The following KIF7 variants were observed in gnomAD, a reference collection of about 807,000 sequenced individuals.
KIF7 encodes the protein kinesin-like protein KIF7.
A neutral mutation model predicts 135.7 loss-of-function variants in KIF7; 104 were observed. The ratio of observed to expected loss-of-function variants is 0.77; its 90% confidence interval spans 0.65 to 0.90. The LOEUF (loss-of-function observed/expected upper bound fraction) is 0.90. Among genes scored for constraint, KIF7 ranks in the 40% least tolerant of loss-of-function variants. The pLI, the probability that KIF7 is intolerant of heterozygous loss-of-function variation, is 0.00. For synonymous variants in KIF7, 883 were observed against 809.4 expected, an observed-to-expected ratio of 1.09 and a Z score of -1.54; for missense variants, 2,005 against 1,839.1, an observed-to-expected ratio of 1.09 and a Z score of -1.65.
chr15:89,660,775 G>A, the KIF7 span, among the ~76,000 whole-genome samples: 2 of 152,182 alleles, frequency 1.3e-5, no homozygotes, highest in Admixed American at 6.5e-5. Flanking sequence ...GGACTTGGCT[G>A]TATGACTTGC....
At chr15:89,624,402 C>A, downstream of KIF7, 1 of 1,614,192 alleles carries the variant, frequency 6.2e-7, no homozygotes, top group Non-Finnish European at 8.5e-7. Flanking sequence ...CCCCTGAACT[C>A]TCACAGAGAG....
chr15:89,649,960 G>T lies in KIF7; in HGVS notation c.329-19C>A. The T allele has an allele frequency of 6.5e-7, 1 of 1,547,818 alleles. No individual in the cohort carries two copies. The stretch of plus-strand genomic sequence containing the variant: ...AGGGAGGCTGGGGAGACACCGCAGG[G>T]CCTCCTGCCACTTCAGCTGGACACG... On this transcript the variant is annotated intron_variant, in intron 2 of 18. Coordinates refer to ENST00000394412, the MANE Select transcript of KIF7 (RefSeq NM_198525.3).
intron 1 of KIF7, among the ~76,000 whole-genome samples, chr15:89,619,102 C>T (rs1239483319): frequency 6.6e-6 from 1 of 152,142 alleles, no homozygotes; most frequent in Non-Finnish European, 1.5e-5. Context: ...AATTCCACAA[C>T]TCAGAAATAC....
chr15:89,619,683 A>G, intron 1 of KIF7: 1 of 1,588,668 alleles, frequency 6.3e-7, no homozygotes, highest in Non-Finnish European at 8.5e-7. Context: ...GTCTTTGGTT[A>G]CTTACTGTGG....
chr15:89,632,649 T>A (rs1447933786), intron 14 of KIF7, among the ~76,000 whole-genome samples, 171 bp downstream of exon 14: 1 of 152,088 alleles, frequency 6.6e-6, no homozygotes, highest in Non-Finnish European at 1.5e-5. Flanking sequence ...TGTCTAGACC[T>A]CGCCTGGCAG....
chr15:89,652,604 C>T lies in KIF7; in HGVS notation c.327G>A (p.Val109=), dbSNP rs1964140442. Reference sequence around the variant, plus strand: ...AGGGCCACGAACAGGGTCACTCACCCACACTGGCCTCCCCCATGGTGTATG... The same window carrying T: ...AGGGCCACGAACAGGGTCACTCACCTACACTGGCCTCCCCCATGGTGTATG... The part of the protein sequence containing the change: ...GKTYTMGEAS[V]ASLLEDEQGI... The change falls in exon 2 of 19, where the codon GTG becomes GTA. Residue 109 remains valine (V), a splice_region_variant and synonymous_variant. Transcript: ENST00000394412. 1.3e-6 allele frequency: 2 copies of T among 1,518,720 alleles called. No homozygotes were observed. Among genetic ancestry groups the T allele is most frequent in the Non-Finnish European group, 1.8e-6 (2 of 1,124,012 alleles). 94.1% of individuals were successfully genotyped at this position (1,518,720 alleles called of 1,614,324 possible).
intron 11 of KIF7, among the ~76,000 whole-genome samples, chr15:89,641,647 C>T (rs563772832): frequency 1.3e-5 from 2 of 152,182 alleles, no homozygotes; most frequent in African/African-American, 4.8e-5. Context: ...ACTAAAAATA[C>T]AAAATCAGCT....
chr15:89,661,976 G>A, the KIF7 span, among the ~76,000 whole-genome samples: 8 of 152,094 alleles, frequency 5.3e-5, no homozygotes. Flanking sequence ...CTCGTGATCC[G>A]CCAGCCTTGG....
upstream of KIF7, among the ~76,000 whole-genome samples, chr15:89,655,984 T>A (rs1007290255): frequency 2.0e-5 from 3 of 152,214 alleles, no homozygotes; most frequent in Non-Finnish European, 4.4e-5. Context: ...TCTTCACCTC[T>A]GAGACCTCTG....
chr15:89,620,745 T>C (rs1427031883), intron 1 of KIF7, among the ~76,000 whole-genome samples: 1 of 151,122 alleles, frequency 6.6e-6, no homozygotes, highest in East Asian at 2.0e-4. Context: ...TTTTTTGAGA[T>C]GGAGTCTCAC....
At chr15:89,657,169 A>G (rs892895266), upstream of KIF7, among the ~76,000 whole-genome samples, 1 of 152,124 alleles carries the variant, frequency 6.6e-6, no homozygotes, top group Non-Finnish European at 1.5e-5. Context: ...AGGCAGGCGT[A>G]GTGGCATGGG....
At chr15:89,645,489 C>T (rs985616044) in intron 8 of KIF7, 38 bp from the exon 9 acceptor site, 9 of 1,527,918 alleles carry the variant, frequency 5.9e-6, no homozygotes, top group Non-Finnish European at 8.1e-6. Context: ...TCCTCCCCAG[C>T]CCCTGCCCCA....
chr15:89,656,631 G>A (rs372226735), upstream of KIF7, among the ~76,000 whole-genome samples: 6 of 152,172 alleles, frequency 3.9e-5, no homozygotes, highest in African/African-American at 1.4e-4. Flanking sequence ...GCTTCATAGA[G>A]GAGAGGCTGG....
At chr15:89,654,679 A>G (rs912362784) in intron 1 of KIF7, among the ~76,000 whole-genome samples, 1 of 152,122 alleles carries the variant, frequency 6.6e-6, no homozygotes, top group Admixed American at 6.5e-5. Context: ...ACCAGCGCCC[A>G]ACACAAGGTC....
chr15:89,635,870 T>G (rs950209006), intron 11 of KIF7, among the ~76,000 whole-genome samples: 3 of 151,854 alleles, frequency 2.0e-5, no homozygotes, highest in Non-Finnish European at 2.9e-5. Context: ...CCAAGACACA[T>G]AATTGTCAGA....
intron 11 of KIF7, among the ~76,000 whole-genome samples, chr15:89,634,924 CCT>C (rs1431320126): frequency 6.6e-6 from 1 of 152,152 alleles, no homozygotes; most frequent in Non-Finnish European, 1.5e-5. Context: ...CTTAAATGTC[CCT>C]GTCTGACAGC....
Position 89,631,679 on chromosome 15 carries a change from C to A in KIF7, c.2927G>T (p.Ser976Ile). The A allele has an allele frequency of 1.3e-6, 2 of 1,557,846 alleles. No homozygotes were observed. Among genetic ancestry groups the A allele is most frequent in the Non-Finnish European group, 1.7e-6 (2 of 1,149,726 alleles). ...ALNEDIVRVSSRLEHLEKELS... is the reference protein window; with the variant it reads ...ALNEDIVRVSIRLEHLEKELS... The stretch of plus-strand genomic sequence containing the variant: ...CTCCTTCTCCAGGTGCTCCAGCCGG[C>A]TGGACACTCGCACGATGTCCTCGTT... The change falls in exon 15 of 19, where the codon AGC (serine) becomes ATC (isoleucine). Residue 976 changes from serine to isoleucine, a missense_variant. Coordinates refer to ENST00000394412, the MANE Select transcript of KIF7 (RefSeq NM_198525.3).
At position 89,629,573 on chromosome 15, in the gene KIF7, C is replaced by CCTGT; in HGVS notation, c.3319-4_3319-1dup (p.Val1107ThrfsTer72). The CCTGT allele has an allele frequency of 6.2e-7, 1 of 1,605,160 alleles. No individual in the cohort carries two copies. ...TGCTGCTCCTCTCGGAGCGTCACCA[C>CCTGT]CTGTCCCAAGACCCAGCCAGGCTCA... On this transcript the variant is annotated frameshift_variant and splice_region_variant. Transcript: ENST00000394412. LOFTEE classifies it high-confidence loss of function.
chr15:89,634,383 G>A (rs141497238), intron 11 of KIF7, among the ~76,000 whole-genome samples: 4,313 of 152,334 alleles, frequency 0.028, 203 homozygotes, highest in African/African-American at 0.098. Context: ...TGACGCAGAA[G>A]ACGGGTGATT....
Sources: allele counts gnomAD v4.1 joint callset (sites outside exome capture counted in the v4.1 genomes callset), GRCh38; gene constraint gnomAD v4.1.1; transcripts MANE v1.5; gene names NCBI Gene and HGNC (gene_info 2026-07-23, HGNC 2026-07-21).